Variants in AKR1C8 observed in about 807,000 individuals in gnomAD.
AKR1C8 encodes the protein aldo-keto reductase family 1 member C-like protein 1.
chr10:5,185,108 C>CAGCT, the AKR1C8 span: 1 of 534,728 alleles, frequency 1.9e-6, no homozygotes, highest in South Asian at 1.4e-5. Flanking sequence ...TCATCATCCC[C>CAGCT]AGCTAACCTG....
the AKR1C8 span, among the ~76,000 whole-genome samples, chr10:5,139,673 T>G: frequency 0.018 from 2,691 of 152,226 alleles, 76 homozygotes; most frequent in African/African-American, 0.061. Context: ...AAGACTTAAA[T>G]GTTAGACCTA....
At chr10:5,125,197 AT>A in the AKR1C8 span, among the ~76,000 whole-genome samples, 15 of 152,016 alleles carry the variant, frequency 9.9e-5, no homozygotes, top group Non-Finnish European at 1.9e-4. Flanking sequence ...GGTATCATTA[AT>A]TTTTTTCATC....
chr10:5,163,546 A>G, the AKR1C8 span, among the ~76,000 whole-genome samples: 1 of 152,204 alleles, frequency 6.6e-6, no homozygotes, highest in Non-Finnish European at 1.5e-5. Flanking sequence ...TTTCATGAGA[A>G]GCACAATCTA....
chr10:5,136,946 G>T, the AKR1C8 span, among the ~76,000 whole-genome samples: 1 of 151,970 alleles, frequency 6.6e-6, no homozygotes, highest in Non-Finnish European at 1.5e-5. Context: ...TCACATTCCA[G>T]ACCACCAACA....
the AKR1C8 span, among the ~76,000 whole-genome samples, chr10:5,171,037 A>C: frequency 1.3e-5 from 2 of 152,140 alleles, no homozygotes; most frequent in Non-Finnish European, 1.5e-5. Flanking sequence ...ACTTTAAGCA[A>C]AATGTTAAAA....
At chr10:5,142,272 G>T in the AKR1C8 span, among the ~76,000 whole-genome samples, 1 of 152,232 alleles carries the variant, frequency 6.6e-6, no homozygotes, top group African/African-American at 2.4e-5. Flanking sequence ...GAATGTTGTG[G>T]CTGGTTGATC....
chr10:5,173,352 C>T, the AKR1C8 span, among the ~76,000 whole-genome samples: 1 of 152,022 alleles, frequency 6.6e-6, no homozygotes, highest in African/African-American at 2.4e-5. Context: ...CCAGTCACTT[C>T]CCAGAGAGGG....
the AKR1C8 span, chr10:5,123,351 G>C: frequency 6.9e-6 from 2 of 291,062 alleles, no homozygotes; most frequent in Non-Finnish European, 1.4e-5. Flanking sequence ...TGGTAGCACA[G>C]AGCAATCAGG....
At chr10:5,166,037 T>A in the AKR1C8 span, among the ~76,000 whole-genome samples, 1 of 152,032 alleles carries the variant, frequency 6.6e-6, no homozygotes, top group Non-Finnish European at 1.5e-5. Flanking sequence ...CTTTCTATCT[T>A]TCTCTCCACC....
chr10:5,172,626 G>A, the AKR1C8 span, among the ~76,000 whole-genome samples: 2 of 151,974 alleles, frequency 1.3e-5, no homozygotes, highest in African/African-American at 2.4e-5. Context: ...ATAGTATTTG[G>A]CAGAGATAAG....
At chr10:5,162,780 C>G in the AKR1C8 span, 1 of 413,070 alleles carries the variant, frequency 2.4e-6, no homozygotes, top group East Asian at 5.8e-5. Flanking sequence ...TCAACTTAGA[C>G]CATGTTTTCA....
the AKR1C8 span, among the ~76,000 whole-genome samples, chr10:5,156,554 A>ATCTATCTATCTATCTATCTATCTT: frequency 0.012 from 1,888 of 151,856 alleles, 18 homozygotes; most frequent in Admixed American, 0.024. Context: ...CTATCTATCT[A>ATCTATCTATCTATCTATCTATCTT]ATGTATTTAT....
chr10:5,130,680 T>C, the AKR1C8 span, among the ~76,000 whole-genome samples: 1 of 151,618 alleles, frequency 6.6e-6, no homozygotes, highest in South Asian at 2.1e-4. Context: ...ACAACAGCTG[T>C]AAATAAAATA....
chr10:5,128,850 C>T, the AKR1C8 span, among the ~76,000 whole-genome samples: 1 of 152,014 alleles, frequency 6.6e-6, no homozygotes, highest in Admixed American at 6.6e-5. Context: ...GGACTCAATA[C>T]TCCACTGTAC....
the AKR1C8 span, chr10:5,162,949 T>C: frequency 3.7e-6 from 2 of 534,726 alleles, no homozygotes; most frequent in South Asian, 2.8e-5. Context: ...GGTATAAGTA[T>C]GCTGAATCAA....
At chr10:5,158,453 G>T in the AKR1C8 span, 1 of 358,162 alleles carries the variant, frequency 2.8e-6, no homozygotes. Context: ...GCTCAGTAGT[G>T]ATACATGGGA....
the AKR1C8 span, among the ~76,000 whole-genome samples, chr10:5,171,929 G>T: frequency 6.6e-6 from 1 of 152,012 alleles, no homozygotes; most frequent in Admixed American, 6.6e-5. Flanking sequence ...TACACACCTT[G>T]CACATAAACT....
chr10:5,149,718 T>TA, the AKR1C8 span, among the ~76,000 whole-genome samples: 1 of 152,146 alleles, frequency 6.6e-6, no homozygotes, highest in Non-Finnish European at 1.5e-5. Flanking sequence ...TTTCTGCAAA[T>TA]ATGTCATTCC....
chr10:5,131,770 G>T, the AKR1C8 span, among the ~76,000 whole-genome samples: 1 of 151,960 alleles, frequency 6.6e-6, no homozygotes, highest in Non-Finnish European at 1.5e-5. Flanking sequence ...AACTCCTATG[G>T]AAAACAGTAT....
Sources: allele counts gnomAD v4.1 joint callset (sites outside exome capture counted in the v4.1 genomes callset), GRCh38; gene constraint gnomAD v4.1.1; transcripts MANE v1.5; gene names NCBI Gene and HGNC (gene_info 2026-07-23, HGNC 2026-07-21).